Variants in KCNIP4 observed in about 807,000 individuals in gnomAD.
KCNIP4 encodes Kv channel-interacting protein 4.
In KCNIP4, 12 loss-of-function variants were observed where a neutral mutation model predicts 34.0. The ratio of observed to expected loss-of-function variants is 0.35; its 90% CI spans 0.23 to 0.57. The LOEUF (loss-of-function observed/expected upper bound fraction) is 0.57, where lower values mean the gene tolerates loss of function less well. Ranked by LOEUF, KCNIP4 falls within the 20% of genes least tolerant of loss-of-function variation. The probability of loss-of-function intolerance (pLI) is 0.83; values close to 1 mark genes in which losing one functional copy is unlikely to be tolerated. For missense variants in KCNIP4, 238 were observed against 311.7 expected, an observed-to-expected ratio of 0.76 and a Z score of 1.78; for synonymous variants, 124 against 102.2, an observed-to-expected ratio of 1.21 and a Z score of -1.29.
At chr4:21,098,610 G>T (rs886416807) in intron 1 of KCNIP4, among the ~76,000 whole-genome samples, 4 of 152,104 alleles carry the variant, frequency 2.6e-5, no homozygotes, top group Non-Finnish European at 5.9e-5. Flanking sequence ...TGTTAAGCCT[G>T]CTGTTGGGAA....
intron 1 of KCNIP4, among the ~76,000 whole-genome samples, chr4:21,141,007 TGA>T (rs904031019): frequency 2.1e-4 from 32 of 152,222 alleles, no homozygotes; most frequent in Non-Finnish European, 4.1e-4. Flanking sequence ...GGAGATGCTG[TGA>T]GTTTGTTTCT....
intron 1 of KCNIP4, among the ~76,000 whole-genome samples, chr4:20,999,937 C>T (rs2149716692): frequency 6.6e-6 from 1 of 152,276 alleles, no homozygotes. Context: ...GCAACTTAAC[C>T]TTCCCAGAGT....
intron 1 of KCNIP4, among the ~76,000 whole-genome samples, chr4:21,126,406 G>A (rs542752578): frequency 3.4e-4 from 52 of 152,078 alleles, no homozygotes; most frequent in African/African-American, 1.2e-3. Flanking sequence ...TAGTGAGAGC[G>A]ACTACAAATA....
At chr4:21,476,574 C>T (rs1231296803) in intron 1 of KCNIP4, among the ~76,000 whole-genome samples, 1 of 152,190 alleles carries the variant, frequency 6.6e-6, no homozygotes, top group Non-Finnish European at 1.5e-5. Context: ...CCGTCCAGAA[C>T]TGTGAGAATA....
chr4:21,558,515 T>TAAATAAATAAATAAATAAATAA (rs1560515603), intron 1 of KCNIP4, among the ~76,000 whole-genome samples: 1 of 72,238 alleles, frequency 1.4e-5, no homozygotes, highest in African/African-American at 4.7e-5. Context: ...TAAATAAATA[T>TAAATAAATAAATAAATAAATAA]ATAAATAAAA....
At position 20,839,867 on chromosome 4, in the gene KCNIP4, A is replaced by G. The variant is rs767839019; in HGVS notation, c.288+10676T>C. On this transcript the variant is annotated intron_variant, in intron 3 of 8. Transcript: ENST00000382152. ...AGAATCTAATTACATTATAAATTTT[A>G]CCTCAACATATATCCATTTTTGCAC... Among the ~76,000 whole-genome samples the G allele has an allele frequency of 8.9e-4, 135 of 152,130 alleles. 1 individual carries two copies. The highest frequency in any genetic ancestry group is 4.5e-3 in the Admixed American group (68 of 15,262).
chr4:21,758,461 G>A (rs1717814886), intron 1 of KCNIP4, among the ~76,000 whole-genome samples: 1 of 152,202 alleles, frequency 6.6e-6, no homozygotes, highest in Non-Finnish European at 1.5e-5. Flanking sequence ...CAGACTTTCT[G>A]CAGGACTTTG....
At chr4:21,056,147 A>G (rs917898109) in intron 1 of KCNIP4, among the ~76,000 whole-genome samples, 3 of 152,142 alleles carry the variant, frequency 2.0e-5, no homozygotes, top group Non-Finnish European at 4.4e-5. Context: ...CAAAGACAAA[A>G]CGTACATTTG....
intron 3 of KCNIP4, among the ~76,000 whole-genome samples, chr4:20,787,663 A>T (rs1321119467): frequency 6.6e-6 from 1 of 152,060 alleles, no homozygotes; most frequent in Admixed American, 6.6e-5. Context: ...ATCAATAACC[A>T]TTGTTCACAA....
At chr4:21,793,100 C>T (rs1285482327) in intron 1 of KCNIP4, among the ~76,000 whole-genome samples, 1 of 152,058 alleles carries the variant, frequency 6.6e-6, no homozygotes, top group Non-Finnish European at 1.5e-5. Flanking sequence ...TTTGTTGTAC[C>T]TTTAAAAAAA....
chr4:21,079,190 C>T (rs1235698949), intron 1 of KCNIP4, among the ~76,000 whole-genome samples: 1 of 152,070 alleles, frequency 6.6e-6, no homozygotes. Flanking sequence ...TCCAACAAGG[C>T]CACTTTTGAC....
intron 1 of KCNIP4, among the ~76,000 whole-genome samples, chr4:21,718,313 A>G (rs1031986546): frequency 2.6e-5 from 4 of 152,202 alleles, no homozygotes; most frequent in Admixed American, 2.0e-4. Context: ...TTACCTAAAT[A>G]TTTATTAGCC....
intron 1 of KCNIP4, among the ~76,000 whole-genome samples, chr4:21,883,259 TGTA>T (rs1726567669): frequency 6.6e-6 from 1 of 151,626 alleles, no homozygotes; most frequent in Admixed American, 6.6e-5. Flanking sequence ...GATCCCCCTG[TGTA>T]AGCCTCCCAA....
At chr4:20,741,959 A>G (rs978314430) in intron 5 of KCNIP4, among the ~76,000 whole-genome samples, 1 of 152,252 alleles carries the variant, frequency 6.6e-6, no homozygotes, top group Non-Finnish European at 1.5e-5. Flanking sequence ...CGAATAAACT[A>G]GAAAATCTAG....
At chr4:20,777,880 T>C (rs758474854) in intron 3 of KCNIP4, among the ~76,000 whole-genome samples, 4 of 152,182 alleles carry the variant, frequency 2.6e-5, no homozygotes, top group Admixed American at 6.5e-5. Flanking sequence ...CTTTAGCACA[T>C]AGGTATAGAG....
At chr4:20,942,584 A>G (rs1731753022) in intron 1 of KCNIP4, among the ~76,000 whole-genome samples, 2 of 152,208 alleles carry the variant, frequency 1.3e-5, no homozygotes, top group South Asian at 4.1e-4. Context: ...AAGGAAACTG[A>G]CACTGAGGGA....
At chr4:21,742,002 A>C (rs1352215954) in intron 1 of KCNIP4, among the ~76,000 whole-genome samples, 1 of 152,140 alleles carries the variant, frequency 6.6e-6, no homozygotes, top group Non-Finnish European at 1.5e-5. Context: ...GCACCACTGC[A>C]CTCCAGCCTA....
Position 20,942,405 on chromosome 4 carries a change from G to A in KCNIP4, c.62-59696C>T, listed in dbSNP as rs538480029. Among the ~76,000 whole-genome samples the A allele has an allele frequency of 7.9e-5, 12 of 152,328 alleles. 1 individual carries two copies. In the East Asian group the frequency reaches 2.3e-3, roughly 29 times the overall value. ...GCAGTTTCTCTGACCCAAAGTCTGT[G>A]CAAATAGAACATCTCCAAGGATGCA... On this transcript the variant is annotated intron_variant, in intron 1 of 8. Coordinates refer to ENST00000382152, the MANE Select transcript of KCNIP4 (RefSeq NM_025221.6).
intron 1 of KCNIP4, among the ~76,000 whole-genome samples, chr4:21,589,813 T>G (rs1420358967): frequency 1.3e-5 from 2 of 151,968 alleles, no homozygotes; most frequent in Non-Finnish European, 2.9e-5. Flanking sequence ...ATTGCATTGC[T>G]GCCATTAATT....
Sources: gnomAD v4.1 joint callset for allele counts (sites outside exome capture counted in the v4.1 genomes callset) on GRCh38, gnomAD v4.1.1 for gene constraint, MANE v1.5 for transcripts, NCBI Gene and HGNC (gene_info 2026-07-23, HGNC 2026-07-21) for gene names.